Variants in CDC42BPA observed in about 807,000 individuals in gnomAD.
CDC42BPA encodes the protein serine/threonine-protein kinase MRCK alpha.
In CDC42BPA, 80 loss-of-function variants were observed where a neutral mutation model predicts 223.5. The ratio of observed to expected loss-of-function variants is 0.36; its 90% CI spans 0.30 to 0.43. The LOEUF (loss-of-function observed/expected upper bound fraction) is 0.43, where lower values mean the gene tolerates loss of function less well. Ranked by LOEUF, CDC42BPA falls within the 20% of genes least tolerant of loss-of-function variation. The pLI, the probability that CDC42BPA is intolerant of heterozygous loss-of-function variation, is 1.00. For synonymous variants in CDC42BPA, 694 were observed against 718.6 expected (o/e 0.97, Z 0.55); for missense variants, 1,743 against 2,099.9 (o/e 0.83, Z 3.32).
chr1:227,237,045 CA>C (rs11447987), intron 2 of CDC42BPA, among the ~76,000 whole-genome samples: 37 of 84,398 alleles, frequency 4.4e-4, no homozygotes, highest in East Asian at 2.8e-3. Context: ...CCGGTCTCCA[CA>C]AAAAAAAAAA....
intron 6 of CDC42BPA, among the ~76,000 whole-genome samples, chr1:227,158,279 C>G (rs1156912872): frequency 6.6e-6 from 1 of 152,056 alleles, no homozygotes. Flanking sequence ...TTCTTTAATT[C>G]TCTGTCTGCT....
intron 1 of CDC42BPA, among the ~76,000 whole-genome samples, chr1:227,268,568 T>C (rs1422777387): frequency 6.9e-6 from 1 of 145,318 alleles, no homozygotes; most frequent in East Asian, 2.0e-4. Flanking sequence ...TTTCTGTATA[T>C]ATATAGTGTA....
At chr1:227,084,509 C>G (rs1379553936) in intron 16 of CDC42BPA, among the ~76,000 whole-genome samples, 2 of 138,860 alleles carry the variant, frequency 1.4e-5, no homozygotes, top group African/African-American at 2.7e-5. Flanking sequence ...GCCTGGGCAG[C>G]AGAGTGAGAC....
intron 34 of CDC42BPA, among the ~76,000 whole-genome samples, chr1:227,005,324 T>C (rs1002007304): frequency 1.3e-5 from 2 of 152,246 alleles, no homozygotes; most frequent in African/African-American, 4.8e-5. Context: ...GAATAAGTAC[T>C]TATACTTACT....
At chr1:227,141,247 T>C (rs1416402036) in intron 9 of CDC42BPA, among the ~76,000 whole-genome samples, 8 of 152,076 alleles carry the variant, frequency 5.3e-5, no homozygotes, top group Non-Finnish European at 1.2e-4. Flanking sequence ...AAACAAAATA[T>C]AGTCAACAGT....
intron 3 of CDC42BPA, among the ~76,000 whole-genome samples, chr1:227,209,848 G>T (rs1300994748): frequency 1.3e-5 from 2 of 151,138 alleles, no homozygotes; most frequent in Non-Finnish European, 2.9e-5. Context: ...GCCGGCTTTG[G>T]TATCAGAATG....
At chr1:227,259,147 T>C (rs1683612475) in intron 1 of CDC42BPA, among the ~76,000 whole-genome samples, 1 of 150,954 alleles carries the variant, frequency 6.6e-6, no homozygotes, top group African/African-American at 2.5e-5. Flanking sequence ...CCCTCCCTTT[T>C]TCTGAAAATC....
intron 5 of CDC42BPA, among the ~76,000 whole-genome samples, chr1:227,174,406 C>A (rs1383729638): frequency 6.6e-6 from 1 of 152,118 alleles, no homozygotes; most frequent in African/African-American, 2.4e-5. Context: ...ATCATACCCA[C>A]AAATCTAAGC....
chr1:227,203,124 C>A (rs1386688919), intron 3 of CDC42BPA, among the ~76,000 whole-genome samples: 2 of 152,122 alleles, frequency 1.3e-5, no homozygotes, highest in East Asian at 1.9e-4. Context: ...TAGCACCACA[C>A]ACACAGGAGC....
intron 1 of CDC42BPA, among the ~76,000 whole-genome samples, chr1:227,263,941 G>A (rs1684542099): frequency 1.3e-5 from 2 of 152,072 alleles, no homozygotes; most frequent in Non-Finnish European, 2.9e-5. Flanking sequence ...TAATCTGGAT[G>A]GATTTTAGTC....
At chr1:227,171,779 T>C (rs940042183) in intron 5 of CDC42BPA, among the ~76,000 whole-genome samples, 3 of 152,130 alleles carry the variant, frequency 2.0e-5, no homozygotes, top group Non-Finnish European at 4.4e-5. Context: ...ATCTATATAG[T>C]TTCAATTCTG....
intron 6 of CDC42BPA, among the ~76,000 whole-genome samples, chr1:227,149,588 CAA>C (rs1233168330): frequency 6.6e-6 from 1 of 151,968 alleles, no homozygotes; most frequent in African/African-American, 2.4e-5. Context: ...TCAACAAACA[CAA>C]AAGTTTTTAA....
Position 227,121,802 on chromosome 1 carries a change from C to CT in CDC42BPA, c.1514-1866dup, listed in dbSNP as rs11327691. Among the ~76,000 whole-genome samples the CT allele has an allele frequency of 7.7e-3, 1,030 of 134,042 alleles. 9 individuals carry two copies. The highest frequency in any genetic ancestry group is 0.019 in the African/African-American group (679 of 36,040). 87.9% of individuals were successfully genotyped at this position (134,042 alleles called of 152,430 possible). Reference sequence around the variant, plus strand: ...AGGATACCAACAATTTCTTTTTTTTCTTTTTTTTTTTTTTTGGAGACGGAG... The same window carrying CT: ...AGGATACCAACAATTTCTTTTTTTTCTTTTTTTTTTTTTTTTGGAGACGGAG... On this transcript the variant is annotated intron_variant, in intron 11 of 36. Coordinates refer to ENST00000366766, the MANE Select transcript of CDC42BPA (RefSeq NM_001394014.1).
intron 6 of CDC42BPA, among the ~76,000 whole-genome samples, chr1:227,150,741 G>A (rs1447656005): frequency 6.6e-6 from 1 of 151,404 alleles, no homozygotes; most frequent in South Asian, 2.1e-4. Flanking sequence ...AGAGGCAGGA[G>A]TAACCACCTT....
chr1:227,302,487 A>C (rs66523880), intron 1 of CDC42BPA, among the ~76,000 whole-genome samples: 46,781 of 151,954 alleles, frequency 0.31, 7,375 homozygotes, highest in East Asian at 0.37. Flanking sequence ...AAGGCCAAAG[A>C]GTTTCTGATT....
At chr1:227,066,418 A>C (rs1677094140) in intron 21 of CDC42BPA, among the ~76,000 whole-genome samples, 1 of 151,912 alleles carries the variant, frequency 6.6e-6, no homozygotes, top group Non-Finnish European at 1.5e-5. Context: ...AAAACAAAAA[A>C]AGAATCCAAG....
chr1:227,029,393 C>A (rs2148648933), intron 29 of CDC42BPA, 143 bp from the exon 30 acceptor site: 1 of 618,342 alleles, frequency 1.6e-6, no homozygotes, highest in Non-Finnish European at 2.8e-6. Flanking sequence ...AAAGATTATC[C>A]AACCCATCAT....
At chr1:227,031,193 C>G (rs1441386022) in intron 28 of CDC42BPA, 105 bp downstream of exon 28, 7 of 795,018 alleles carry the variant, frequency 8.8e-6, no homozygotes, top group Non-Finnish European at 1.5e-5. Context: ...TGATATGATG[C>G]ACAGTATGTT....
intron 1 of CDC42BPA, among the ~76,000 whole-genome samples, chr1:227,302,895 A>C (rs1000204154): frequency 6.8e-5 from 10 of 147,690 alleles, no homozygotes; most frequent in Admixed American, 4.7e-4. Context: ...AATTTCAAAG[A>C]ACTTTTTTCA....
Sources: gnomAD v4.1 joint callset for allele counts (sites outside exome capture counted in the v4.1 genomes callset) on GRCh38, gnomAD v4.1.1 for gene constraint, MANE v1.5 for transcripts, NCBI Gene and HGNC (gene_info 2026-07-23, HGNC 2026-07-21) for gene names.